Variants in VLDLR observed in about 807,000 individuals in gnomAD.
VLDLR encodes the protein very low density lipoprotein receptor.
In VLDLR, 81 loss-of-function variants were observed where a neutral mutation model predicts 112.7. That is an observed-to-expected ratio of 0.72 (90% CI 0.60 to 0.86). The LOEUF is 0.86. Among genes scored for constraint, VLDLR ranks in the 40% least tolerant of loss-of-function variants. VLDLR has a pLI of 0.00. For missense variants in VLDLR, 1,237 were observed against 1,099.4 expected, an observed-to-expected ratio of 1.13 and a Z score of -1.77; for synonymous variants, 436 against 384.8, an observed-to-expected ratio of 1.13 and a Z score of -1.56.
chr9:2,626,841 C>T (rs1409677284), intron 1 of VLDLR, among the ~76,000 whole-genome samples: 1 of 152,224 alleles, frequency 6.6e-6, no homozygotes, highest in African/African-American at 2.4e-5. Flanking sequence ...AGTTCTCCCA[C>T]ATGCTGTGAG....
chr9:2,652,988 G>A, intron 18 of VLDLR, 39 bp downstream of exon 18: 1 of 1,613,482 alleles, frequency 6.2e-7, no homozygotes, highest in Non-Finnish European at 8.5e-7. Flanking sequence ...ATGGCTTGAA[G>A]TGAGACTTTT....
intron 4 of VLDLR, among the ~76,000 whole-genome samples, chr9:2,642,868 G>A (rs997715470): frequency 1.6e-4 from 24 of 152,180 alleles, no homozygotes; most frequent in African/African-American, 5.8e-4. Flanking sequence ...GTTACAGTTT[G>A]TTATTTATGA....
rs150872700 is a variant in VLDLR at position 2,651,935 on chromosome 9, A to T, written c.2397A>T (p.Ala799=). ...VSVPPKGTSA[A]WAILPLLLLV... is the part of the protein sequence containing the mutation. ...TTCCCCCAAAAGGGACTTCTGCCGC[A>T]TGGGCCATTCTTCCTCTCTGTAAGT... The change falls in exon 17 of 19, where the codon GCA becomes GCT. Residue 799 remains alanine (A), a synonymous_variant. Transcript: ENST00000382100. 3 of 1,614,104 alleles carry T rather than the reference A, an allele frequency of 1.9e-6. No individual in the cohort carries two copies. In the African/African-American group the frequency reaches 4.0e-5, roughly 22 times the overall value.
Position 2,653,816 on chromosome 9 carries a change from C to G in VLDLR, c.2587-17C>G. On this transcript the variant is annotated splice_polypyrimidine_tract_variant and intron_variant, in intron 18 of 18. Transcript: ENST00000382100. ...GAGTGATCACCAAGCTCATTCTATA[C>G]TTCTTCTTTTCCACAGATATCAGTT... 1 of 1,613,828 alleles carries G rather than the reference C, an allele frequency of 6.2e-7. No individual in the cohort carries two copies. Among genetic ancestry groups the G allele is most frequent in the South Asian group, 1.1e-5 (1 of 91,074 alleles).
chr9:2,650,437 G>T lies in VLDLR; in HGVS notation c.2172G>T (p.Gln724His). 1 of 1,614,134 alleles carries T rather than the reference G, an allele frequency of 6.2e-7. No individual in the cohort carries two copies. ...GCEYLCLPAP[Q>H]INDHSPKYTC... ...AATACCTATGCCTGCCAGCACCACA[G>T]ATTAATGATCACTCTCCAAAATATA... The change falls in exon 15 of 19, where the codon CAG becomes CAT. Residue 724 changes from glutamine to histidine, a missense_variant. Physicochemically the swap from Gln to His is conservative, Grantham distance 24. Transcript: ENST00000382100.
intron 18 of VLDLR, among the ~76,000 whole-genome samples, chr9:2,653,631 T>G (rs1459725983): frequency 6.6e-6 from 1 of 152,236 alleles, no homozygotes; most frequent in East Asian, 1.9e-4. Flanking sequence ...CACTATCTTA[T>G]CTCACTACCA....
At chr9:2,640,049 C>G (rs1434072320) in intron 3 of VLDLR, 68 bp downstream of exon 3, 1 of 1,612,356 alleles carries the variant, frequency 6.2e-7, no homozygotes, top group Non-Finnish European at 8.5e-7. Context: ...CTAAGTATTG[C>G]TTAATCTCCT....
In VLDLR at chr9:2,643,891, A is replaced by G; in HGVS notation, c.998A>G (p.Asp333Gly). 1.2e-6 allele frequency: 2 copies of G among 1,614,172 alleles called. No homozygotes were observed. The highest frequency in any genetic ancestry group is 1.1e-5 in the South Asian group (1 of 91,076). Residue 333 changes from aspartate (D) to glycine (G), a missense_variant, in exon 7 of 19, where the codon GAT (aspartate) becomes GGT (glycine). By Grantham distance (94) the Asp-to-Gly change is moderately conservative (BLOSUM62 -1). Coordinates refer to ENST00000382100, the MANE Select transcript of VLDLR (RefSeq NM_003383.5). Reference sequence around the variant, plus strand: ...AAGTGCAGAAGTGGAGAATGCATAGATATCAGCAAAGTATGTAACCAGGAG... The same window carrying G: ...AAGTGCAGAAGTGGAGAATGCATAGGTATCAGCAAAGTATGTAACCAGGAG... The part of the protein sequence containing the change: ...KFKCRSGECI[D>G]ISKVCNQEQD...
chr9:2,622,704 G>T (rs1344384627), intron 1 of VLDLR, among the ~76,000 whole-genome samples: 1 of 152,084 alleles, frequency 6.6e-6, no homozygotes, highest in Non-Finnish European at 1.5e-5. Context: ...CCCGGGGAGT[G>T]CGGGAGCGGA....
intron 1 of VLDLR, among the ~76,000 whole-genome samples, chr9:2,624,408 C>A (rs1300772421): frequency 6.6e-6 from 1 of 152,182 alleles, no homozygotes; most frequent in Non-Finnish European, 1.5e-5. Context: ...TGCTGTTCCA[C>A]AATACTCCTG....
chr9:2,635,341 A>G lies in VLDLR; in HGVS notation c.83-112A>G, dbSNP rs1817553836. The G allele has an allele frequency of 1.0e-5, 16 of 1,553,322 alleles. No individual in the cohort carries two copies. The South Asian group carries it at 1.7e-4, about 16-fold the overall frequency. The stretch of plus-strand genomic sequence containing the variant: ...ATCCTACTCTGGCCCTTAGGATGTC[A>G]TAGCCTGCCGAGTCTGCAGTATCCT... On this transcript the variant is annotated intron_variant, in intron 1 of 18. Transcript: ENST00000382100.
In VLDLR at chr9:2,654,222, T is replaced by G. The variant is rs1818497757; in HGVS notation, c.*354T>G. On this transcript the variant is annotated 3_prime_UTR_variant, in exon 19 of 19. Transcript: ENST00000382100. The stretch of plus-strand genomic sequence containing the variant: ...GTACATACATTGTATAGGCCATCTG[T>G]AAATATCCCAGAGAACAATCACTAT... 1 of 237,374 alleles carries G rather than the reference T, an allele frequency of 4.2e-6. No homozygotes were observed. Among genetic ancestry groups the G allele is most frequent in the African/African-American group, 2.2e-5 (1 of 44,558 alleles). 14.7% of individuals were successfully genotyped at this position (237,374 alleles called of 1,614,324 possible).
intron 1 of VLDLR, 190 bp downstream of exon 1, chr9:2,622,461 G>C: frequency 2.0e-6 from 1 of 491,840 alleles, no homozygotes; most frequent in Non-Finnish European, 3.4e-6. Context: ...AGCCGGGCTT[G>C]GGGAACAGCG....
chr9:2,640,016 A>G (rs1288797237), intron 3 of VLDLR, 35 bp downstream of exon 3: 1 of 1,614,112 alleles, frequency 6.2e-7, no homozygotes, highest in Non-Finnish European at 8.5e-7. Context: ...GAACTTTGCC[A>G]AGTTGTTCGG....
chr9:2,646,380 A>C lies in VLDLR; in HGVS notation c.1531A>C (p.Asn511His). The change falls in exon 11 of 19, where the codon AAT (asparagine) becomes CAT (histidine). Residue 511 changes from asparagine (N) to histidine (H), a missense_variant. Coordinates refer to ENST00000382100, the MANE Select transcript of VLDLR (RefSeq NM_003383.5). ...TGGTAGACATGTTAAAATGATCGAC[A>C]ATGTCTATAATCCTGCAGCCATTGC... ...KVGRHVKMIDNVYNPAAIAVD... is the reference protein window; with the variant it reads ...KVGRHVKMIDHVYNPAAIAVD... 1 of 1,614,164 alleles carries C rather than the reference A, an allele frequency of 6.2e-7. No homozygotes were observed. The highest frequency in any genetic ancestry group is 8.5e-7 in the Non-Finnish European group (1 of 1,180,032).
At chr9:2,652,742 A>G in intron 17 of VLDLR, 38 bp from the exon 18 acceptor site, 1 of 1,613,648 alleles carries the variant, frequency 6.2e-7, no homozygotes. Context: ...TTCCAATACT[A>G]GACTTAGCTC....
At chr9:2,645,448 A>G (rs938022912) in intron 9 of VLDLR, 126 bp from the exon 10 acceptor site, 2 of 1,219,262 alleles carry the variant, frequency 1.6e-6, no homozygotes, top group African/African-American at 1.5e-5. Flanking sequence ...GAACTCCAGA[A>G]CAGATACTAC....
At position 2,653,945 on chromosome 9, in the gene VLDLR, A is replaced by G. The variant is rs17848374; in HGVS notation, c.*77A>G. On this transcript the variant is annotated 3_prime_UTR_variant, in exon 19 of 19. Coordinates refer to ENST00000382100, the MANE Select transcript of VLDLR (RefSeq NM_003383.5). ...GGAATGGTAACCGAGCCAGCAGCTG[A>G]AGTCTCTTTTTCTTCCTCTCGGCTG... The G allele has an allele frequency of 1.3e-6, 2 of 1,504,830 alleles. No individual in the cohort carries two copies. Among genetic ancestry groups the G allele is most frequent in the Admixed American group, 1.7e-5 (1 of 59,730 alleles). 93.2% of individuals were successfully genotyped at this position (1,504,830 alleles called of 1,614,324 possible).
intron 1 of VLDLR, among the ~76,000 whole-genome samples, chr9:2,629,866 G>A (rs1471110827): frequency 1.3e-5 from 2 of 152,204 alleles, no homozygotes; most frequent in South Asian, 4.2e-4. Flanking sequence ...GCACTATCTC[G>A]GCTCACTGCA....
Sources: allele counts gnomAD v4.1 joint callset (sites outside exome capture counted in the v4.1 genomes callset), GRCh38; gene constraint gnomAD v4.1.1; transcripts MANE v1.5; gene names NCBI Gene and HGNC (gene_info 2026-07-23, HGNC 2026-07-21).